The following KIAA1217 variants were observed in gnomAD, a reference collection of about 807,000 sequenced individuals.
KIAA1217 encodes KIAA1217, also known as sickle tail protein homolog.
KIAA1217 carries 88 observed loss-of-function variants against 163.9 expected under a neutral mutation model. The observed-to-expected ratio is 0.54, with a 90% CI of 0.45 to 0.64. KIAA1217 has a LOEUF of 0.64. Among genes scored for constraint, KIAA1217 ranks in the 30% least tolerant of loss-of-function variants. The probability of loss-of-function intolerance (pLI) is 0.00; values close to 1 mark genes in which losing one functional copy is unlikely to be tolerated. For missense variants in KIAA1217, 2,372 were observed against 2,475.0 expected (o/e 0.96, Z 0.88); for synonymous variants, 903 against 923.1 (o/e 0.98, Z 0.39).
At chr10:24,180,358 C>G (rs1356931758) in intron 2 of KIAA1217, among the ~76,000 whole-genome samples, 2 of 149,926 alleles carry the variant, frequency 1.3e-5, no homozygotes, top group African/African-American at 4.9e-5. Context: ...ACAATCTCAG[C>G]TCACTGCAAC....
chr10:24,105,252 G>A (rs942221751), intron 2 of KIAA1217, among the ~76,000 whole-genome samples: 8 of 152,128 alleles, frequency 5.3e-5, no homozygotes, highest in Non-Finnish European at 1.2e-4. Flanking sequence ...AACTGACTCA[G>A]GGAACACCTG....
At chr10:24,378,122 C>T (rs376425479) in intron 2 of KIAA1217, among the ~76,000 whole-genome samples, 1 of 152,112 alleles carries the variant, frequency 6.6e-6, no homozygotes, top group East Asian at 1.9e-4. Flanking sequence ...CCCACGTTAA[C>T]CACAGCTTCA....
intron 1 of KIAA1217, among the ~76,000 whole-genome samples, chr10:23,782,619 G>T (rs1042463609): frequency 6.6e-6 from 1 of 152,094 alleles, no homozygotes; most frequent in Admixed American, 6.5e-5. Flanking sequence ...TTTTAGTAGA[G>T]ACGGGGTTTC....
chr10:24,223,692 A>G (rs1590026419), intron 2 of KIAA1217, among the ~76,000 whole-genome samples: 1 of 151,018 alleles, frequency 6.6e-6, no homozygotes, highest in Non-Finnish European at 1.5e-5. Flanking sequence ...CTAACATGAA[A>G]TCTCTTAAAA....
At chr10:23,907,253 A>T (rs1329037043) in intron 1 of KIAA1217, among the ~76,000 whole-genome samples, 1 of 151,192 alleles carries the variant, frequency 6.6e-6, no homozygotes, top group Admixed American at 6.6e-5. Flanking sequence ...TGAGGGCTGT[A>T]TTAGTCAGGG....
At chr10:23,913,009 T>C (rs976670600) in intron 1 of KIAA1217, among the ~76,000 whole-genome samples, 4 of 152,170 alleles carry the variant, frequency 2.6e-5, no homozygotes, top group Non-Finnish European at 5.9e-5. Context: ...GAGTTGTCTA[T>C]GTAGCACCCA....
intron 2 of KIAA1217, among the ~76,000 whole-genome samples, chr10:24,288,968 G>T (rs1039826043): frequency 1.3e-5 from 2 of 152,180 alleles, no homozygotes; most frequent in African/African-American, 4.8e-5. Context: ...GCTTCTAGAT[G>T]CCCTGCAATT....
At chr10:24,227,292 G>A (rs2070716084) in intron 2 of KIAA1217, among the ~76,000 whole-genome samples, 2 of 151,022 alleles carry the variant, frequency 1.3e-5, no homozygotes, top group South Asian at 4.2e-4. Flanking sequence ...CAAGTAGCTG[G>A]GATTACAGGG....
At chr10:23,705,235 A>G (rs1213546456) in intron 1 of KIAA1217, among the ~76,000 whole-genome samples, 1 of 151,904 alleles carries the variant, frequency 6.6e-6, no homozygotes, top group African/African-American at 2.4e-5. Context: ...TTTTCTTTTC[A>G]GTTTCCTGAT....
intron 1 of KIAA1217, among the ~76,000 whole-genome samples, chr10:23,888,755 T>C (rs1841294196): frequency 6.6e-6 from 1 of 151,916 alleles, no homozygotes; most frequent in Non-Finnish European, 1.5e-5. Context: ...AAAGTAAATG[T>C]ACCCATTTAA....
intron 1 of KIAA1217, among the ~76,000 whole-genome samples, chr10:23,986,372 C>A (rs896624259): frequency 5.3e-5 from 8 of 152,268 alleles, no homozygotes; most frequent in Admixed American, 5.2e-4. Flanking sequence ...GTTCCAGGAT[C>A]CTCCAGTGAA....
intron 2 of KIAA1217, among the ~76,000 whole-genome samples, chr10:24,365,579 C>A (rs1373979037): frequency 6.6e-6 from 1 of 152,124 alleles, no homozygotes; most frequent in African/African-American, 2.4e-5. Flanking sequence ...CCTAAGCAAC[C>A]CTCACCTTTC....
intron 2 of KIAA1217, among the ~76,000 whole-genome samples, chr10:24,159,870 A>G (rs2065042806): frequency 6.6e-6 from 1 of 152,208 alleles, no homozygotes; most frequent in African/African-American, 2.4e-5. Flanking sequence ...GGTCTATGAT[A>G]TATATAGAGT....
At chr10:23,815,704 T>G (rs1837284888) in intron 1 of KIAA1217, among the ~76,000 whole-genome samples, 1 of 152,102 alleles carries the variant, frequency 6.6e-6, no homozygotes, top group Admixed American at 6.6e-5. Flanking sequence ...ATGACTACAT[T>G]ATTTATCCCC....
At chr10:24,232,247 A>T (rs978051542) in intron 2 of KIAA1217, among the ~76,000 whole-genome samples, 6 of 152,244 alleles carry the variant, frequency 3.9e-5, no homozygotes, top group African/African-American at 1.4e-4. Context: ...ATTGACGTAC[A>T]GTTGACGTTA....
intron 2 of KIAA1217, among the ~76,000 whole-genome samples, chr10:24,010,843 G>A (rs377006202): frequency 2.6e-5 from 4 of 152,104 alleles, no homozygotes; most frequent in East Asian, 1.9e-4. Flanking sequence ...TGCCTCTCCG[G>A]GATGGGGGTT....
At chr10:24,464,764 C>A (rs554860954) in intron 5 of KIAA1217, among the ~76,000 whole-genome samples, 1 of 152,162 alleles carries the variant, frequency 6.6e-6, no homozygotes, top group Non-Finnish European at 1.5e-5. Context: ...GGATTACAGG[C>A]GTGAGCCACA....
chr10:23,779,278 T>A (rs1278741078), intron 1 of KIAA1217, among the ~76,000 whole-genome samples: 1 of 152,192 alleles, frequency 6.6e-6, no homozygotes, highest in Non-Finnish European at 1.5e-5. Context: ...GTTTTTAAAT[T>A]CTTATGACAA....
chr10:23,952,485 T>C (rs1435979406), intron 1 of KIAA1217, among the ~76,000 whole-genome samples: 1 of 152,212 alleles, frequency 6.6e-6, no homozygotes, highest in African/African-American at 2.4e-5. Flanking sequence ...CTCTGAATGC[T>C]TCAAACAGGC....
Sources: allele counts gnomAD v4.1 joint callset (sites outside exome capture counted in the v4.1 genomes callset), GRCh38; gene constraint gnomAD v4.1.1; transcripts MANE v1.5; gene names NCBI Gene and HGNC (gene_info 2026-07-23, HGNC 2026-07-21).